The following RNF130 variants were observed in gnomAD, a reference collection of about 807,000 sequenced individuals.
RNF130 encodes the protein E3 ubiquitin-protein ligase RNF130.
Under a neutral mutation model 44.6 loss-of-function variants are expected in RNF130, and 21 were observed. That is an observed-to-expected ratio of 0.47 (90% CI 0.33 to 0.68). The LOEUF (loss-of-function observed/expected upper bound fraction) is 0.68, where lower values mean the gene tolerates loss of function less well. Among genes scored for constraint, RNF130 ranks in the 30% least tolerant of loss-of-function variants. The pLI is 0.02. For synonymous variants in RNF130, 214 were observed against 210.4 expected (o/e 1.02, Z -0.15); for missense variants, 479 against 560.6 (o/e 0.85, Z 1.47).
chr5:180,002,575 G>A (rs1763368420), intron 3 of RNF130, among the ~76,000 whole-genome samples: 1 of 152,192 alleles, frequency 6.6e-6, no homozygotes, highest in African/African-American at 2.4e-5. Flanking sequence ...TGCCTGTGAG[G>A]ACTGGTGGGA....
At chr5:179,958,946 G>A (rs562262039) in intron 8 of RNF130, among the ~76,000 whole-genome samples, 5 of 152,112 alleles carry the variant, frequency 3.3e-5, no homozygotes, top group African/African-American at 7.2e-5. Context: ...CTCCCAAAGC[G>A]CTGGGATTAT....
intron 3 of RNF130, among the ~76,000 whole-genome samples, chr5:180,010,184 T>C (rs1475538650): frequency 7.2e-6 from 1 of 139,610 alleles, no homozygotes; most frequent in African/African-American, 2.7e-5. Flanking sequence ...GAGGCGGAGC[T>C]TGCAGTAAGC....
chr5:179,939,218 A>AAAAT (rs558042214), intron 7 of RNF130, among the ~76,000 whole-genome samples: 167 of 152,246 alleles, frequency 1.1e-3, no homozygotes, highest in Non-Finnish European at 1.5e-3. Context: ...CTCTGTCTCA[A>AAAAT]AAATAAATAA....
chr5:179,931,600 C>T (rs1761808915), intron 7 of RNF130, among the ~76,000 whole-genome samples: 1 of 151,102 alleles, frequency 6.6e-6, no homozygotes, highest in Non-Finnish European at 1.5e-5. Context: ...GAAACTATGT[C>T]TCTACTAAAA....
chr5:180,012,976 A>C, intron 3 of RNF130, 85 bp downstream of exon 3: 1 of 1,459,642 alleles, frequency 6.9e-7, no homozygotes, highest in Non-Finnish European at 9.1e-7. Flanking sequence ...TAAAAGAAAA[A>C]ACATGTTAGT....
intron 1 of RNF130, among the ~76,000 whole-genome samples, chr5:180,057,547 C>T (rs1364845844): frequency 7.0e-6 from 1 of 142,828 alleles, no homozygotes; most frequent in Non-Finnish European, 1.5e-5. Flanking sequence ...AACTCAGTCT[C>T]AAAAAAAAAA....
At chr5:179,987,134 C>T (rs1398680352) in intron 3 of RNF130, among the ~76,000 whole-genome samples, 6 of 151,908 alleles carry the variant, frequency 3.9e-5, no homozygotes, top group African/African-American at 1.5e-4. Flanking sequence ...GATGCCCCTT[C>T]CTCCCTTCCT....
intron 7 of RNF130, among the ~76,000 whole-genome samples, chr5:179,964,735 TC>T (rs1032558766): frequency 6.6e-6 from 1 of 152,220 alleles, no homozygotes; most frequent in Non-Finnish European, 1.5e-5. Context: ...CCTGGGGACT[TC>T]CGGTCCAGAG....
At chr5:179,996,519 C>T (rs248316) in intron 3 of RNF130, among the ~76,000 whole-genome samples, 71,827 of 151,976 alleles carry the variant, frequency 0.47, 18,091 homozygotes, top group African/African-American at 0.67. Flanking sequence ...GTTAAGAGTT[C>T]ATATCATGAA....
At chr5:179,956,692 C>A (rs546162067) in intron 8 of RNF130, among the ~76,000 whole-genome samples, 1 of 152,338 alleles carries the variant, frequency 6.6e-6, no homozygotes, top group South Asian at 2.1e-4. Context: ...CTCTTCCATG[C>A]AGCCTTTTCA....
intron 3 of RNF130, among the ~76,000 whole-genome samples, chr5:179,992,220 T>C (rs418384): frequency 0.47 from 71,999 of 152,030 alleles, 18,170 homozygotes; most frequent in African/African-American, 0.67. Flanking sequence ...CGGCTCACTG[T>C]AAACTCTGCC....
At chr5:180,067,945 A>G (rs1765144824) in intron 1 of RNF130, among the ~76,000 whole-genome samples, 1 of 152,240 alleles carries the variant, frequency 6.6e-6, no homozygotes, top group Non-Finnish European at 1.5e-5. Context: ...ATAGGATTAC[A>G]TTTTTAAACA....
rs946619576 is a variant in RNF130, at chr5:180,023,957, C to G, written c.443-10646G>C. Reference sequence around the variant, plus strand: ...ACCAAAGTCAACATCACTGGTGATACTTCACACTGATAGCACATAAACTTG... The same window carrying G: ...ACCAAAGTCAACATCACTGGTGATAGTTCACACTGATAGCACATAAACTTG... On this transcript the variant is annotated intron_variant, in intron 2 of 8. Transcript: ENST00000521389. 5.3e-5 allele frequency among the ~76,000 whole-genome samples: 8 copies of G among 152,334 alleles called. 1 individual carries two copies. The South Asian group carries it at 1.4e-3, about 28-fold the overall frequency.
intron 2 of RNF130, among the ~76,000 whole-genome samples, chr5:180,028,612 A>G (rs1764048872): frequency 6.6e-6 from 1 of 152,166 alleles, no homozygotes; most frequent in Non-Finnish European, 1.5e-5. Flanking sequence ...GTAGGTATGC[A>G]AAGTTATGCA....
intron 1 of RNF130, among the ~76,000 whole-genome samples, chr5:180,043,457 T>C (rs778906013): frequency 3.3e-5 from 5 of 152,142 alleles, no homozygotes. Context: ...TGTGCCAAAA[T>C]ATGTGAGCTA....
intron 1 of RNF130, among the ~76,000 whole-genome samples, chr5:180,065,096 C>G (rs1276997390): frequency 1.3e-5 from 2 of 151,482 alleles, no homozygotes; most frequent in African/African-American, 2.4e-5. Flanking sequence ...CTAACCAATG[C>G]TTGGAATTCA....
rs569361394 is a variant in RNF130, at chr5:179,977,869, T to C, written c.848+334A>G. Reference sequence around the variant, plus strand: ...GACTCCGTCTCAAAAAATAAATAAATAAATAAATAAAAGAAAACAAACATA... The same window carrying C: ...GACTCCGTCTCAAAAAATAAATAAACAAATAAATAAAAGAAAACAAACATA... On this transcript the variant is annotated intron_variant, in intron 5 of 8. Transcript: ENST00000521389. This position sits in a 1 kb window ranked among gnomAD's most constrained non-coding sequence, Gnocchi z 4.1. 6.6e-6 allele frequency among the ~76,000 whole-genome samples: 1 copy of C among 152,078 alleles called. No homozygotes were observed. The highest frequency in any genetic ancestry group is 1.5e-5 in the Non-Finnish European group (1 of 67,966).
intron 1 of RNF130, among the ~76,000 whole-genome samples, chr5:180,043,291 C>T (rs1764471395): frequency 1.3e-5 from 2 of 152,218 alleles, no homozygotes; most frequent in Non-Finnish European, 2.9e-5. Context: ...TGTCGCTGCA[C>T]TCCAGCCTGG....
chr5:179,995,701 C>T (rs938255628), intron 3 of RNF130, among the ~76,000 whole-genome samples: 3 of 152,196 alleles, frequency 2.0e-5, no homozygotes, highest in Non-Finnish European at 4.4e-5. Flanking sequence ...GCCTGGATTG[C>T]ACACTTCCCC....
Sources: gnomAD v4.1 joint callset for allele counts (sites outside exome capture counted in the v4.1 genomes callset) on GRCh38, gnomAD v4.1.1 for gene constraint, Gnocchi (gnomAD v3.1) non-coding constraint, MANE v1.5 for transcripts, NCBI Gene and HGNC (gene_info 2026-07-23, HGNC 2026-07-21) for gene names.